TASP1: variants seen among roughly 807,000 people sequenced by gnomAD.
TASP1 encodes the protein threonine aspartase 1.
Under a neutral mutation model 56.6 loss-of-function variants are expected in TASP1, and 16 were observed. The ratio of observed to expected loss-of-function variants is 0.28; its 90% CI spans 0.19 to 0.43. The LOEUF (loss-of-function observed/expected upper bound fraction) is 0.43, where lower values mean the gene tolerates loss of function less well. Ranked by LOEUF, TASP1 falls within the 20% of genes least tolerant of loss-of-function variation. The pLI is 1.00. For missense variants in TASP1, 393 were observed against 511.6 expected, an observed-to-expected ratio of 0.77 and a Z score of 2.24; for synonymous variants, 179 against 184.2, an observed-to-expected ratio of 0.97 and a Z score of 0.23.
the TASP1 span, among the ~76,000 whole-genome samples, chr20:13,135,351 A>T: frequency 6.6e-6 from 1 of 152,180 alleles, no homozygotes; most frequent in African/African-American, 2.4e-5. Context: ...GGATCTACTT[A>T]ACTCATGCTA....
At chr20:13,504,007 G>A (rs2044041699) in intron 10 of TASP1, among the ~76,000 whole-genome samples, 1 of 151,846 alleles carries the variant, frequency 6.6e-6, no homozygotes, top group South Asian at 2.1e-4. Flanking sequence ...TCAAACAGGA[G>A]AAGAGAAAGA....
chr20:13,518,478 C>T (rs1051747741), intron 10 of TASP1, among the ~76,000 whole-genome samples: 4 of 152,072 alleles, frequency 2.6e-5, no homozygotes, highest in East Asian at 1.9e-4. Context: ...CTAAACACCA[C>T]GACCTAAGTC....
chr20:13,192,458 T>G, the TASP1 span, among the ~76,000 whole-genome samples: 1 of 152,064 alleles, frequency 6.6e-6, no homozygotes, highest in Non-Finnish European at 1.5e-5. Flanking sequence ...CAGGATCACT[T>G]GAACCCAAGT....
chr20:13,627,755 G>A (rs1487839193), intron 2 of TASP1, among the ~76,000 whole-genome samples: 3 of 102,432 alleles, frequency 2.9e-5, no homozygotes. Flanking sequence ...AAAAAGTTGA[G>A]CCATTAAATC....
the TASP1 span, among the ~76,000 whole-genome samples, chr20:13,123,841 C>A: frequency 6.6e-6 from 1 of 151,996 alleles, no homozygotes; most frequent in Admixed American, 6.5e-5. Context: ...TCATCCAATT[C>A]CCAGGACCCA....
At chr20:13,550,391 C>T (rs903008711) in intron 8 of TASP1, among the ~76,000 whole-genome samples, 1 of 151,970 alleles carries the variant, frequency 6.6e-6, no homozygotes, top group Non-Finnish European at 1.5e-5. Flanking sequence ...GACCTATCTA[C>T]TGATTTACAT....
chr20:13,533,905 A>C, intron 9 of TASP1, 117 bp downstream of exon 9: 6 of 1,244,168 alleles, frequency 4.8e-6, no homozygotes, highest in Non-Finnish European at 6.7e-6. Context: ...ACATGTTAAA[A>C]AACAATGACA....
Position 13,505,400 on chromosome 20 carries a change from C to G in TASP1, c.875-22063G>C, listed in dbSNP as rs372546903. Reference sequence around the variant, plus strand: ...ATTAAATTTGAACTATATGTTAGATCTAATGGACCTAACAGACATACAGAA... The same window carrying G: ...ATTAAATTTGAACTATATGTTAGATGTAATGGACCTAACAGACATACAGAA... On this transcript the variant is annotated intron_variant, in intron 10 of 13. Coordinates refer to ENST00000337743, the MANE Select transcript of TASP1 (RefSeq NM_017714.3). 1.9e-3 allele frequency among the ~76,000 whole-genome samples: 290 copies of G among 152,182 alleles called. 1 individual carries two copies. The highest frequency in any genetic ancestry group is 6.8e-3 in the African/African-American group (283 of 41,534).
At chr20:13,381,892 T>C in the TASP1 span, among the ~76,000 whole-genome samples, 1 of 152,192 alleles carries the variant, frequency 6.6e-6, no homozygotes, top group Non-Finnish European at 1.5e-5. Flanking sequence ...TCAGTTTTCT[T>C]GGGAAAAGAA....
chr20:13,520,819 T>C (rs893740599), intron 10 of TASP1, among the ~76,000 whole-genome samples: 64 of 152,070 alleles, frequency 4.2e-4, no homozygotes, highest in Non-Finnish European at 8.2e-4. Flanking sequence ...AAGAAACTAC[T>C]ATCAGAGTGA....
the TASP1 span, among the ~76,000 whole-genome samples, chr20:13,158,026 G>A: frequency 6.6e-6 from 1 of 152,170 alleles, no homozygotes; most frequent in Non-Finnish European, 1.5e-5. Context: ...CTATAGAGCT[G>A]TGCAATGTGG....
chr20:13,429,604 G>A (rs551635121), intron 12 of TASP1, among the ~76,000 whole-genome samples: 1 of 151,348 alleles, frequency 6.6e-6, no homozygotes, highest in East Asian at 1.9e-4. Context: ...CACCAGCACA[G>A]GGTGTGTGTG....
the TASP1 span, among the ~76,000 whole-genome samples, chr20:13,266,627 T>G: frequency 6.6e-6 from 1 of 152,142 alleles, no homozygotes; most frequent in Non-Finnish European, 1.5e-5. Flanking sequence ...TAAAGCAATA[T>G]TTTCCCAAAC....
At chr20:13,383,257 G>A in the TASP1 span, among the ~76,000 whole-genome samples, 1 of 152,152 alleles carries the variant, frequency 6.6e-6, no homozygotes. Flanking sequence ...GTGGAAGCAG[G>A]GAGACCAGTG....
At chr20:13,292,525 T>C in the TASP1 span, 1 of 1,013,860 alleles carries the variant, frequency 9.9e-7, no homozygotes. Context: ...TCCTTTTGCT[T>C]TTGCAATGCC....
At chr20:13,108,246 T>G in the TASP1 span, among the ~76,000 whole-genome samples, 2 of 152,322 alleles carry the variant, frequency 1.3e-5, no homozygotes, top group Admixed American at 1.3e-4. Context: ...TTAAATGTAC[T>G]TGATAATTAA....
chr20:13,119,738 C>G, the TASP1 span, among the ~76,000 whole-genome samples: 1 of 152,152 alleles, frequency 6.6e-6, no homozygotes, highest in Non-Finnish European at 1.5e-5. Flanking sequence ...GGCAGAGATT[C>G]GTTAGCCTAC....
the TASP1 span, among the ~76,000 whole-genome samples, chr20:13,113,074 TGAG>T: frequency 6.6e-6 from 1 of 152,004 alleles, no homozygotes; most frequent in African/African-American, 2.4e-5. Context: ...TCCCAGTTAC[TGAG>T]GAGGCTAAGG....
chr20:13,620,265 T>TACACACACACAC (rs757563847), intron 4 of TASP1, among the ~76,000 whole-genome samples: 4,220 of 145,718 alleles, frequency 0.029, 190 homozygotes, highest in African/African-American at 0.096. Flanking sequence ...CTGTGGTATT[T>TACACACACACAC]ACACACACAC....
Sources: gnomAD v4.1 joint callset for allele counts (sites outside exome capture counted in the v4.1 genomes callset) on GRCh38, gnomAD v4.1.1 for gene constraint, MANE v1.5 for transcripts, NCBI Gene and HGNC (gene_info 2026-07-23, HGNC 2026-07-21) for gene names.